SPG11: variants seen among roughly 807,000 people sequenced by gnomAD.
SPG11 encodes the protein spatacsin.
SPG11 carries 222 observed loss-of-function variants against 274.0 expected under a neutral mutation model. That is an observed-to-expected ratio of 0.81 (90% confidence interval 0.73 to 0.91). The LOEUF (loss-of-function observed/expected upper bound fraction) is 0.91. Ranked by LOEUF, SPG11 falls within the 40% of genes least tolerant of loss-of-function variation. The pLI is 0.00. For missense variants in SPG11, 3,114 were observed against 2,872.7 expected (o/e 1.08, Z -1.92); for synonymous variants, 1,144 against 1,039.7 (o/e 1.10, Z -1.93).
chr15:44,615,541 G>C lies in SPG11; in HGVS notation c.2860C>G (p.Leu954Val), dbSNP rs1325414817. 1 of 1,613,926 alleles carries C rather than the reference G, an allele frequency of 6.2e-7. No homozygotes were observed. The highest frequency in any genetic ancestry group is 8.5e-7 in the Non-Finnish European group (1 of 1,180,014). Residue 954 changes from leucine to valine, a missense_variant, in exon 16 of 40, where the codon CTG becomes GTG. Leu to Val is a conservative substitution (Grantham distance 32). Coordinates refer to ENST00000261866, the MANE Select transcript of SPG11 (RefSeq NM_025137.4). ...AGGAGGAAGCATTCAAAGTCTTCCAGTTCAGATGCCAAAAAAACCCCATTC... is the reference window on the plus strand; with the variant it reads ...AGGAGGAAGCATTCAAAGTCTTCCACTTCAGATGCCAAAAAAACCCCATTC... Reference protein sequence around the residue: ...ARNGVFLASELEDFECFLLRL... With the variant: ...ARNGVFLASEVEDFECFLLRL...
rs77697105 is a variant in SPG11, at chr15:44,651,839, C to T, written c.1108G>A (p.Glu370Lys). ...APWFQDILHL[E>K]SPESGNHSTS... ...CTGTGGTTACCAGATTCAGGTGACT[C>T]CAAATGCAAAATATCCTGGAACCAT... The change falls in exon 6 of 40, where the codon GAG (glutamate) becomes AAG (lysine). Residue 370 changes from glutamate (E) to lysine (K), a missense_variant. Coordinates refer to ENST00000261866, the MANE Select transcript of SPG11 (RefSeq NM_025137.4). The T allele has an allele frequency of 0.018, 29,064 of 1,613,924 alleles. 344 individuals carry two copies. The highest frequency in any genetic ancestry group is 0.029 in the Middle Eastern group (177 of 6,062).
At position 44,644,373 on chromosome 15, in the gene SPG11, T is replaced by A. The variant is rs140246960; in HGVS notation, c.1602+4493A>T. ...TCCTCAAGTAGTACTCCCTTCAACA[T>A]CCCTTCATGTTAAAAACCCTCAACA... On this transcript the variant is annotated intron_variant, in intron 7 of 39. Transcript: ENST00000261866. 3.2e-3 allele frequency among the ~76,000 whole-genome samples: 488 copies of A among 152,060 alleles called. 2 individuals carry two copies. Among genetic ancestry groups the A allele is most frequent in the Non-Finnish European group, 5.7e-3 (387 of 67,950 alleles).
chr15:44,646,957 T>C (rs1459640585), intron 7 of SPG11, among the ~76,000 whole-genome samples: 1 of 152,228 alleles, frequency 6.6e-6, no homozygotes, highest in Non-Finnish European at 1.5e-5. Flanking sequence ...AACCTGCAAA[T>C]GTACCCCTGA....
chr15:44,659,008 C>A (rs1272071309), intron 3 of SPG11, 71 bp downstream of exon 3: 2 of 1,473,194 alleles, frequency 1.4e-6, no homozygotes, highest in Non-Finnish European at 1.9e-6. Context: ...AAACTAAAGC[C>A]TAAAAAGGCT....
rs1567180616 is a variant in SPG11 at position 44,636,954 on chromosome 15, AAAAC to A, written c.1603-3321_1603-3318del. On this transcript the variant is annotated intron_variant, in intron 7 of 39. Transcript: ENST00000261866. The stretch of plus-strand genomic sequence containing the variant: ...AAAAAAAAAAAAAAAAAAAAAAAAA[AAAAC>A]AAAAAAAAAACACAAATGTGGTAAA... 9.9e-4 allele frequency among the ~76,000 whole-genome samples: 126 copies of A among 126,916 alleles called. 5 individuals are homozygous for A. The highest frequency in any genetic ancestry group is 2.1e-3 in the African/African-American group (59 of 28,650). 83.3% of individuals were successfully genotyped at this position (126,916 alleles called of 152,430 possible). A position where few individuals can be genotyped will look rare whatever the true frequency, so the allele number is the denominator to read the frequency against.
chr15:44,640,231 A>T (rs2084401028), intron 7 of SPG11, among the ~76,000 whole-genome samples: 1 of 152,022 alleles, frequency 6.6e-6, no homozygotes, highest in South Asian at 2.1e-4. Flanking sequence ...AAACAAAAAC[A>T]CTTAGAATGA....
intron 7 of SPG11, among the ~76,000 whole-genome samples, chr15:44,645,528 T>C (rs570446031): frequency 6.6e-6 from 1 of 152,262 alleles, no homozygotes; most frequent in East Asian, 1.9e-4. Flanking sequence ...GAAGATAACC[T>C]AGAAAATACC....
In SPG11 at chr15:44,598,206, A is replaced by G. The variant is rs1595863012; in HGVS notation, c.4001+59T>C. The stretch of plus-strand genomic sequence containing the variant: ...AGAGTTGTTCAAAGAAAAACTAGGC[A>G]AACACAGGTTGGCACAATAAGCTTG... On this transcript the variant is annotated intron_variant, in intron 23 of 39. Coordinates refer to ENST00000261866, the MANE Select transcript of SPG11 (RefSeq NM_025137.4). 5 of 1,312,326 alleles carry G rather than the reference A, an allele frequency of 3.8e-6. No individual in the cohort carries two copies. The East Asian group carries it at 1.2e-4, about 30-fold the overall frequency. The allele number at this position is 1,312,326 out of a possible 1,614,324, so 81.3% of individuals were successfully genotyped here. A position where few individuals can be genotyped will look rare whatever the true frequency, so the allele number is the denominator to read the frequency against.
intron 8 of SPG11, 59 bp downstream of exon 8, chr15:44,633,446 G>C: frequency 7.7e-7 from 1 of 1,303,534 alleles, no homozygotes; most frequent in South Asian, 1.3e-5. Flanking sequence ...ATCATACTTT[G>C]AAAGTTATTA....
intron 26 of SPG11, among the ~76,000 whole-genome samples, chr15:44,593,528 A>G (rs2082954784): frequency 1.3e-5 from 2 of 152,190 alleles, no homozygotes; most frequent in African/African-American, 4.8e-5. Context: ...AATCTGCTCT[A>G]CTGATCCACC....
At chr15:44,637,174 A>G (rs927118125) in intron 7 of SPG11, among the ~76,000 whole-genome samples, 4 of 152,150 alleles carry the variant, frequency 2.6e-5, no homozygotes, top group Non-Finnish European at 4.4e-5. Context: ...GTGAAGAAAG[A>G]ATTAGTGCAC....
At chr15:44,618,588 C>A (rs1403723882) in intron 15 of SPG11, among the ~76,000 whole-genome samples, 2 of 149,170 alleles carry the variant, frequency 1.3e-5, no homozygotes, top group Non-Finnish European at 3.0e-5. Flanking sequence ...GAGGCCGAGG[C>A]GGGCAGAACA....
chr15:44,567,580 T>A lies in SPG11; in HGVS notation c.6598A>T (p.Lys2200Ter), dbSNP rs141263564. The A allele has an allele frequency of 2.9e-5, 46 of 1,613,934 alleles. No homozygotes were observed. The highest frequency in any genetic ancestry group is 3.9e-5 in the Non-Finnish European group (46 of 1,179,990). Residue 2200 changes from lysine to a stop codon, truncating the protein, a stop_gained, in exon 36 of 40, where the codon AAA becomes TAA. Transcript: ENST00000261866. LOFTEE classifies it high-confidence loss of function. ...TTGATGTAGTCCAGCAGGGCTGTTT[T>A]CAGGGTACCACTCTGCCCAGAATAA... ...RKKLDPSGTL[K>*]TALLDYIKRC...
chr15:44,630,401 C>T (rs1002490138), intron 8 of SPG11, among the ~76,000 whole-genome samples: 11 of 152,154 alleles, frequency 7.2e-5, no homozygotes, highest in African/African-American at 1.9e-4. Context: ...AATCACTAAC[C>T]ACCAAACAAC....
intron 35 of SPG11, 80 bp downstream of exon 35, chr15:44,569,318 G>T: frequency 9.6e-7 from 1 of 1,046,602 alleles, no homozygotes; most frequent in Non-Finnish European, 1.5e-6. Context: ...TACCCTGACT[G>T]AGATTATTCC....
intron 15 of SPG11, among the ~76,000 whole-genome samples, chr15:44,619,173 C>G (rs950990917): frequency 6.6e-6 from 1 of 152,188 alleles, no homozygotes; most frequent in African/African-American, 2.4e-5. Context: ...AAGCACTTAA[C>G]GTCCCTGGAT....
chr15:44,572,558 A>T (rs2082444734), intron 33 of SPG11, 125 bp downstream of exon 33: 1 of 948,570 alleles, frequency 1.1e-6, no homozygotes, highest in Admixed American at 1.9e-5. Context: ...AGAACTTATA[A>T]CTCCTGCTGG....
intron 10 of SPG11, 111 bp downstream of exon 10, chr15:44,628,557 GC>G (rs1175227045): frequency 9.6e-7 from 1 of 1,043,038 alleles, no homozygotes; most frequent in African/African-American, 1.6e-5. Context: ...TAAAACCTTT[GC>G]CAAACATTCT....
At chr15:44,588,964 T>C (rs1595850304) in intron 28 of SPG11, among the ~76,000 whole-genome samples, 1 of 152,190 alleles carries the variant, frequency 6.6e-6, no homozygotes, top group Non-Finnish European at 1.5e-5. Context: ...CGTCTGTGGG[T>C]TGGACCCCCA....
Sources: allele counts gnomAD v4.1 joint callset (sites outside exome capture counted in the v4.1 genomes callset), GRCh38; gene constraint gnomAD v4.1.1; transcripts MANE v1.5; gene names NCBI Gene and HGNC (gene_info 2026-07-23, HGNC 2026-07-21).